The following MAF variants were observed in gnomAD, a reference collection of about 807,000 sequenced individuals.
The protein encoded by MAF is transcription factor Maf.
Under a neutral mutation model 22.0 loss-of-function variants are expected in MAF, and 10 were observed. That is an observed-to-expected ratio of 0.45 (90% confidence interval 0.28 to 0.77). The LOEUF (loss-of-function observed/expected upper bound fraction) is 0.77. Ranked by LOEUF, MAF falls within the 30% of genes least tolerant of loss-of-function variation. The probability of loss-of-function intolerance (pLI) is 0.12; values close to 1 mark genes in which losing one functional copy is unlikely to be tolerated. For synonymous variants in MAF, 337 were observed against 255.8 expected, an observed-to-expected ratio of 1.32 and a Z score of -3.03; for missense variants, 544 against 548.4, an observed-to-expected ratio of 0.99 and a Z score of 0.08.
chr16:79,534,073 T>C, the MAF span, among the ~76,000 whole-genome samples: 1 of 152,172 alleles, frequency 6.6e-6, no homozygotes, highest in South Asian at 2.1e-4. Flanking sequence ...TAAACTACAA[T>C]CCCTTGAGGA....
intron 1 of MAF, chr16:79,586,050 T>A: frequency 1.8e-6 from 1 of 561,884 alleles, no homozygotes; most frequent in South Asian, 2.4e-5. Context: ...AAGGGCAGAA[T>A]TACACCAAAA....
chr16:79,559,814 G>A, the MAF span, among the ~76,000 whole-genome samples: 1 of 152,266 alleles, frequency 6.6e-6, no homozygotes, highest in Non-Finnish European at 1.5e-5. Flanking sequence ...TTGGCAGATG[G>A]GATAAAACAA....
the MAF span, among the ~76,000 whole-genome samples, chr16:79,322,888 C>T: frequency 0.038 from 5,775 of 151,898 alleles, 169 homozygotes; most frequent in African/African-American, 0.079. Flanking sequence ...CAGTGGCTCA[C>T]GCCTGTAATC....
At chr16:79,555,321 T>C in the MAF span, among the ~76,000 whole-genome samples, 1,031 of 152,244 alleles carry the variant, frequency 6.8e-3, 18 homozygotes, top group African/African-American at 0.023. Context: ...CAAGAACCAA[T>C]ACTCTAGACT....
At chr16:79,448,089 T>C in the MAF span, among the ~76,000 whole-genome samples, 1 of 152,262 alleles carries the variant, frequency 6.6e-6, no homozygotes, top group East Asian at 1.9e-4. Flanking sequence ...ATACACTTAG[T>C]TGATAAAGCA....
chr16:79,248,878 A>T, the MAF span, among the ~76,000 whole-genome samples: 1 of 152,308 alleles, frequency 6.6e-6, no homozygotes, highest in East Asian at 1.9e-4. Flanking sequence ...ATTTTGTCCA[A>T]AAGAATCCAC....
chr16:79,230,745 A>G, the MAF span, among the ~76,000 whole-genome samples: 1 of 152,058 alleles, frequency 6.6e-6, no homozygotes, highest in African/African-American at 2.4e-5. Context: ...TTCTGAAGCT[A>G]ACATTCTAAG....
At chr16:79,326,935 G>T in the MAF span, among the ~76,000 whole-genome samples, 1 of 152,168 alleles carries the variant, frequency 6.6e-6, no homozygotes, top group East Asian at 1.9e-4. Context: ...GATTCCAGAT[G>T]GGATAAGCTG....
the MAF span, among the ~76,000 whole-genome samples, chr16:79,297,616 C>T: frequency 9.2e-5 from 14 of 152,248 alleles, no homozygotes; most frequent in East Asian, 2.3e-3. Flanking sequence ...GAATCCAACG[C>T]GATGATACAG....
the MAF span, among the ~76,000 whole-genome samples, chr16:79,554,062 C>T: frequency 6.6e-6 from 1 of 152,106 alleles, no homozygotes; most frequent in African/African-American, 2.4e-5. Flanking sequence ...GGACTCCATG[C>T]TGGGTGACAG....
the MAF span, among the ~76,000 whole-genome samples, chr16:79,287,839 C>T: frequency 2.0e-5 from 3 of 152,230 alleles, no homozygotes; most frequent in East Asian, 5.8e-4. Context: ...TTGGGAGAAC[C>T]TCCTATGGGT....
At chr16:79,405,168 G>T in the MAF span, among the ~76,000 whole-genome samples, 4 of 152,166 alleles carry the variant, frequency 2.6e-5, no homozygotes, top group Non-Finnish European at 5.9e-5. Context: ...CACTCTGAGG[G>T]ATTTATCCTA....
At chr16:79,208,423 G>GTGTT in the MAF span, among the ~76,000 whole-genome samples, 1 of 152,010 alleles carries the variant, frequency 6.6e-6, no homozygotes, top group African/African-American at 2.4e-5. Flanking sequence ...GCTCCAGCCA[G>GTGTT]TGTTTGTATG....
the MAF span, among the ~76,000 whole-genome samples, chr16:79,481,619 T>C: frequency 8.7e-4 from 133 of 152,166 alleles, 3 homozygotes; most frequent in East Asian, 0.025. Context: ...CATTCACCCA[T>C]CCATCCATCT....
At chr16:79,373,151 C>T in the MAF span, among the ~76,000 whole-genome samples, 3 of 152,076 alleles carry the variant, frequency 2.0e-5, no homozygotes, top group Non-Finnish European at 4.4e-5. Flanking sequence ...TTTCCCTCAT[C>T]CTTGCCTTAA....
At chr16:79,375,496 ATGG>A in the MAF span, among the ~76,000 whole-genome samples, 1 of 152,152 alleles carries the variant, frequency 6.6e-6, no homozygotes, top group Non-Finnish European at 1.5e-5. Context: ...GAAGATAATG[ATGG>A]TGATGATGAT....
the MAF span, among the ~76,000 whole-genome samples, chr16:79,555,203 C>A: frequency 6.6e-6 from 1 of 152,220 alleles, no homozygotes; most frequent in Non-Finnish European, 1.5e-5. Flanking sequence ...CCTCCTCTCT[C>A]ATCTCTCTGT....
At chr16:79,566,694 A>C in the MAF span, among the ~76,000 whole-genome samples, 1 of 152,162 alleles carries the variant, frequency 6.6e-6, no homozygotes, top group Admixed American at 6.5e-5. Flanking sequence ...ATGAACCCTG[A>C]ACTGGAGTCT....
chr16:79,260,364 C>G, the MAF span, among the ~76,000 whole-genome samples: 1 of 152,148 alleles, frequency 6.6e-6, no homozygotes, highest in Non-Finnish European at 1.5e-5. Flanking sequence ...GTTGCACAGG[C>G]TGGTCTTGAA....
Sources: allele counts gnomAD v4.1 joint callset (sites outside exome capture counted in the v4.1 genomes callset), GRCh38; gene constraint gnomAD v4.1.1; transcripts MANE v1.5; gene names NCBI Gene and HGNC (gene_info 2026-07-23, HGNC 2026-07-21).